The following GNL1 variants were observed in gnomAD, a reference collection of about 807,000 sequenced individuals.
GNL1 encodes the protein guanine nucleotide-binding protein-like 1.
Under a neutral mutation model 75.2 loss-of-function variants are expected in GNL1, and 21 were observed. That is an observed-to-expected ratio of 0.28 (90% CI 0.20 to 0.40). The LOEUF (loss-of-function observed/expected upper bound fraction) is 0.40. Among genes scored for constraint, GNL1 ranks in the 10% least tolerant of loss-of-function variants. The probability of loss-of-function intolerance (pLI) is 1.00; values close to 1 mark genes in which losing one functional copy is unlikely to be tolerated. For synonymous variants in GNL1, 287 were observed against 303.4 expected, an observed-to-expected ratio of 0.95 and a Z score of 0.56; for missense variants, 579 against 775.0, an observed-to-expected ratio of 0.75 and a Z score of 3.00.
At position 30,541,467 on chromosome 6, in the gene GNL1, AC is replaced by A. The variant is rs1293497749; in HGVS notation, c.*4604del. On this transcript the variant is annotated 3_prime_UTR_variant, in exon 12 of 12. Coordinates refer to ENST00000376621, the MANE Select transcript of GNL1 (RefSeq NM_005275.5). ...TAAAACACTGAAACTTGCTACTGACACAAGAACGACAATGCACTAACAATAA... is the reference window on the plus strand; with the variant it reads ...TAAAACACTGAAACTTGCTACTGACAAAGAACGACAATGCACTAACAATAA... 6.6e-6 allele frequency: 1 copy of A among 152,222 alleles called. No homozygotes were observed. The highest frequency in any genetic ancestry group is 6.5e-5 in the Admixed American group (1 of 15,282). The allele number at this position is 152,222 out of a possible 1,614,324, so 9.4% of individuals were successfully genotyped here.
In GNL1 at chr6:30,552,776, C is replaced by A; in HGVS notation, c.905-115G>T. On this transcript the variant is annotated intron_variant, in intron 7 of 11. Transcript: ENST00000376621. The surrounding 1 kb of genome is among the most constrained non-coding windows in gnomAD (Gnocchi z 4.5). The stretch of plus-strand genomic sequence containing the variant: ...GGCACCCTCTGGAGTTGTACAGTGC[C>A]AACCTAAATAAGAGCAGGTCAGAGA... The A allele has an allele frequency of 1.1e-6, 1 of 912,246 alleles. No individual in the cohort carries two copies. Among genetic ancestry groups the A allele is most frequent in the Non-Finnish European group, 1.6e-6 (1 of 607,316 alleles). The allele number at this position is 912,246 out of a possible 1,614,324, so 56.5% of individuals were successfully genotyped here. A position where few individuals can be genotyped will look rare whatever the true frequency, so the allele number is the denominator to read the frequency against.
Position 30,553,136 on chromosome 6 carries a change from G to C in GNL1, c.852C>G (p.Ala284=). Residue 284 remains alanine, a synonymous_variant, in exon 7 of 12, where the codon GCC becomes GCG. Transcript: ENST00000376621. Reference sequence around the variant, plus strand: ...CTCTCAGCAACTGCTCTGGCCCCAGGGCCCGAGTCCATCCTCTCCCCCGCC... The same window carrying C: ...CTCTCAGCAACTGCTCTGGCCCCAGCGCCCGAGTCCATCCTCTCCCCCGCC... ...SRRRGRGWTR[A]LGPEQLLRAC... 1 of 1,613,882 alleles carries C rather than the reference G, an allele frequency of 6.2e-7. No individual in the cohort carries two copies. Among genetic ancestry groups the C allele is most frequent in the Non-Finnish European group, 8.5e-7 (1 of 1,179,824 alleles).
In GNL1 at chr6:30,552,791, C is replaced by G. The variant is rs1056936410; in HGVS notation, c.905-130G>C. 2 of 794,624 alleles carry G rather than the reference C, an allele frequency of 2.5e-6. No individual in the cohort carries two copies. Among genetic ancestry groups the G allele is most frequent in the African/African-American group, 1.7e-5 (1 of 57,632 alleles). The allele number at this position is 794,624 out of a possible 1,614,324, so 49.2% of individuals were successfully genotyped here. The stretch of plus-strand genomic sequence containing the variant: ...TGTACAGTGCCAACCTAAATAAGAG[C>G]AGGTCAGAGAATCTCCCAAAAGTCA... On this transcript the variant is annotated intron_variant, in intron 7 of 11. Transcript: ENST00000376621. This position sits in a 1 kb window ranked among gnomAD's most constrained non-coding sequence, Gnocchi z 4.5.
In GNL1 at chr6:30,546,406, C is replaced by T. The variant is rs1046269884; in HGVS notation, c.1583-93G>A. On this transcript the variant is annotated intron_variant, in intron 11 of 11. Transcript: ENST00000376621. This position sits in a 1 kb window ranked among gnomAD's most constrained non-coding sequence, Gnocchi z 5.1. ...GGGAAGAGGCAAAGACTAGGAATAA[C>T]AATAATCTTTAGAGCTGCTGGCATT... The T allele has an allele frequency of 9.5e-5, 74 of 779,406 alleles. No homozygotes were observed. The South Asian group carries it at 1.1e-3, about 12-fold the overall frequency. The allele number at this position is 779,406 out of a possible 1,614,324, so 48.3% of individuals were successfully genotyped here.
Position 30,552,700 on chromosome 6 carries a change from G to A in GNL1, c.905-39C>T, listed in dbSNP as rs368987354. On this transcript the variant is annotated intron_variant, in intron 7 of 11. Transcript: ENST00000376621. The surrounding 1 kb of genome is among the most constrained non-coding windows in gnomAD (Gnocchi z 4.5). ...GAGAAGATTAAAGAGGTTCTCCCCAGGGCTGCTGTGCATGATGGCACATAC... is the reference window on the plus strand; with the variant it reads ...GAGAAGATTAAAGAGGTTCTCCCCAAGGCTGCTGTGCATGATGGCACATAC... The A allele has an allele frequency of 7.1e-5, 112 of 1,569,546 alleles. No homozygotes were observed. The highest frequency in any genetic ancestry group is 3.9e-4 in the Admixed American group (23 of 58,442).
At chr6:30,551,602 G>A (rs1335393428) in intron 8 of GNL1, among the ~76,000 whole-genome samples, 1 of 152,046 alleles carries the variant, frequency 6.6e-6, no homozygotes, top group Non-Finnish European at 1.5e-5. Flanking sequence ...CCCTTAAGAG[G>A]AGATTCTCCT....
In GNL1 at chr6:30,553,192, G is replaced by T; in HGVS notation, c.809-13C>A. The stretch of plus-strand genomic sequence containing the variant: ...CTCTTCTTCAAGACTGAGATCAGAG[G>T]GCACAAAAGGATGGGCACACGGGCT... On this transcript the variant is annotated splice_polypyrimidine_tract_variant and intron_variant, in intron 6 of 11. Transcript: ENST00000376621. 1 of 1,595,810 alleles carries T rather than the reference G, an allele frequency of 6.3e-7. No individual in the cohort carries two copies. Among genetic ancestry groups the T allele is most frequent in the Non-Finnish European group, 8.6e-7 (1 of 1,163,458 alleles).
At position 30,555,404 on chromosome 6, in the gene GNL1, G is replaced by A; in HGVS notation, c.239+151C>T. On this transcript the variant is annotated intron_variant, in intron 2 of 11. Coordinates refer to ENST00000376621, the MANE Select transcript of GNL1 (RefSeq NM_005275.5). This position sits in a 1 kb window ranked among gnomAD's most constrained non-coding sequence, Gnocchi z 4.3. ...TCTCTCCAGCCCCTCTGGAAAGGAA[G>A]ACTGTGGCCCGCTGTGGGGAGCCGA... 2.1e-6 allele frequency: 2 copies of A among 972,072 alleles called. No individual in the cohort carries two copies. The highest frequency in any genetic ancestry group is 3.1e-6 in the Non-Finnish European group (2 of 645,168). 60.2% of individuals were successfully genotyped at this position (972,072 alleles called of 1,614,324 possible). A position where few individuals can be genotyped will look rare whatever the true frequency, so the allele number is the denominator to read the frequency against.
Position 30,545,014 on chromosome 6 carries a change from C to T in GNL1, c.*1058G>A, listed in dbSNP as rs541897978. The T allele has an allele frequency of 6.6e-6, 1 of 152,314 alleles. No homozygotes were observed. Among genetic ancestry groups the T allele is most frequent in the South Asian group, 2.1e-4 (1 of 4,824 alleles). 9.4% of individuals were successfully genotyped at this position (152,314 alleles called of 1,614,324 possible). On this transcript the variant is annotated 3_prime_UTR_variant, in exon 12 of 12. Coordinates refer to ENST00000376621, the MANE Select transcript of GNL1 (RefSeq NM_005275.5). ...GATATACAGCAAAGCCTAAGGTGCC[C>T]TGACTCACGAGAGAGCTGATTTCTG...
In GNL1 at chr6:30,546,436, C is replaced by T. The variant is rs937767595; in HGVS notation, c.1583-123G>A. On this transcript the variant is annotated intron_variant, in intron 11 of 11. Transcript: ENST00000376621. The surrounding 1 kb of genome is among the most constrained non-coding windows in gnomAD (Gnocchi z 5.1). ...ATCTTTAGAGCTGCTGGCATTCATTCATTCATCCATTCATTCAACTTCCTA... is the reference window on the plus strand; with the variant it reads ...ATCTTTAGAGCTGCTGGCATTCATTTATTCATCCATTCATTCAACTTCCTA... 6 of 703,238 alleles carry T rather than the reference C, an allele frequency of 8.5e-6. No individual in the cohort carries two copies. In the African/African-American group the frequency reaches 1.1e-4, roughly 13 times the overall value. The allele number at this position is 703,238 out of a possible 1,614,324, so 43.6% of individuals were successfully genotyped here. A position where few individuals can be genotyped will look rare whatever the true frequency, so the allele number is the denominator to read the frequency against.
rs749244843 is a variant in GNL1 at position 30,547,250 on chromosome 6, C to T, written c.1303G>A (p.Ala435Thr). Residue 435 changes from alanine (A) to threonine (T), a missense_variant, in exon 10 of 12, where the codon GCC becomes ACC. Transcript: ENST00000376621. The surrounding 1 kb of genome is among the most constrained non-coding windows in gnomAD (Gnocchi z 5.5). ...GCAGTGTAGGGCTCCTGGATCTGGGCGATAGGGTAGATCCCTGCCAGAACC... is the reference window on the plus strand; with the variant it reads ...GCAGTGTAGGGCTCCTGGATCTGGGTGATAGGGTAGATCCCTGCCAGAACC... ...LQVLAGIYPIAQIQEPYTAVG... is the reference protein window; with the variant it reads ...LQVLAGIYPITQIQEPYTAVG... The T allele has an allele frequency of 1.7e-5, 27 of 1,605,404 alleles. No individual in the cohort carries two copies. Among genetic ancestry groups the T allele is most frequent in the Non-Finnish European group, 2.3e-5 (27 of 1,175,998 alleles).
At chr6:30,549,028 C>T (rs1799610452) in intron 8 of GNL1, among the ~76,000 whole-genome samples, 1 of 152,018 alleles carries the variant, frequency 6.6e-6, no homozygotes. Context: ...GACAGAGTCT[C>T]ACTCCCTCAC....
rs1799901162 is a variant in GNL1 at position 30,553,126 on chromosome 6, C to G, written c.862G>C (p.Glu288Gln). ...GRGWTRALGP[E>Q]QLLRACEAIT... is the part of the protein sequence containing the mutation. ...GCTTCACAGGCTCTCAGCAACTGCT[C>G]TGGCCCCAGGGCCCGAGTCCATCCT... is the stretch of plus-strand genomic sequence containing the variant. Residue 288 changes from glutamate (E) to glutamine (Q), a missense_variant, in exon 7 of 12, where the codon GAG (glutamate) becomes CAG (glutamine). Transcript: ENST00000376621. 1 of 1,613,854 alleles carries G rather than the reference C, an allele frequency of 6.2e-7. No homozygotes were observed. The highest frequency in any genetic ancestry group is 1.1e-5 in the South Asian group (1 of 91,084).
chr6:30,553,416 G>T lies in GNL1; in HGVS notation c.742C>A (p.Gln248Lys). Residue 248 changes from glutamine to lysine, a missense_variant, in exon 6 of 12, where the codon CAG (glutamine) becomes AAG (lysine). By Grantham distance (53) the Gln-to-Lys change is moderately conservative. Coordinates refer to ENST00000376621, the MANE Select transcript of GNL1 (RefSeq NM_005275.5). The stretch of plus-strand genomic sequence containing the variant: ...GAGGTGAAAAGGACGACGTGGAGCT[G>T]GGGATAGTGTTGATGGAAATAATGC... ...WKHYFHQHYP[Q>K]LHVVLFTSFP... 4.3e-6 allele frequency: 7 copies of T among 1,612,956 alleles called. No homozygotes were observed. Among genetic ancestry groups the T allele is most frequent in the Non-Finnish European group, 5.9e-6 (7 of 1,179,998 alleles).
At position 30,555,785 on chromosome 6, in the gene GNL1, C is replaced by A. The variant is rs771733546; in HGVS notation, c.74-65G>T. 1.3e-6 allele frequency: 2 copies of A among 1,521,438 alleles called. No individual in the cohort carries two copies. Among genetic ancestry groups the A allele is most frequent in the African/African-American group, 1.4e-5 (1 of 73,004 alleles). 94.2% of individuals were successfully genotyped at this position (1,521,438 alleles called of 1,614,324 possible). A position where few individuals can be genotyped will look rare whatever the true frequency, so the allele number is the denominator to read the frequency against. ...TCAGGGGCCATAAGACCCTCTCCCC[C>A]ATCGGCCTGACTCCCTTTCATCCCA... On this transcript the variant is annotated intron_variant, in intron 1 of 11. Transcript: ENST00000376621. This position sits in a 1 kb window ranked among gnomAD's most constrained non-coding sequence, Gnocchi z 4.3.
rs1286455409 is a variant in GNL1 at position 30,543,473 on chromosome 6, G to A, written c.*2599C>T. On this transcript the variant is annotated 3_prime_UTR_variant, in exon 12 of 12. Coordinates refer to ENST00000376621, the MANE Select transcript of GNL1 (RefSeq NM_005275.5). Reference sequence around the variant, plus strand: ...TAATTGCTCAACAAATGTTCTATGAGTGAATGAATCCTTGGGATAATTATA... The same window carrying A: ...TAATTGCTCAACAAATGTTCTATGAATGAATGAATCCTTGGGATAATTATA... 1.3e-5 allele frequency: 2 copies of A among 152,152 alleles called. No homozygotes were observed. The highest frequency in any genetic ancestry group is 2.9e-5 in the Non-Finnish European group (2 of 68,040). The allele number at this position is 152,152 out of a possible 1,614,324, so 9.4% of individuals were successfully genotyped here.
In GNL1 at chr6:30,555,642, G is replaced by C; in HGVS notation, c.152C>G (p.Ser51Trp). Residue 51 changes from serine (S) to tryptophan (W), a missense_variant, in exon 2 of 12, where the codon TCG (serine) becomes TGG (tryptophan). By Grantham distance (177) the Ser-to-Trp change is radical. Transcript: ENST00000376621. The surrounding 1 kb of genome is among the most constrained non-coding windows in gnomAD (Gnocchi z 4.3). ...RERREEQTDT[S>W]DGESVTHHIR... ...ATGATGGGTCACAGACTCCCCGTCC[G>C]AGGTGTCGGTCTGTTCCTCTCGCCG... The C allele has an allele frequency of 6.2e-7, 1 of 1,614,006 alleles. No individual in the cohort carries two copies. Among genetic ancestry groups the C allele is most frequent in the South Asian group, 1.1e-5 (1 of 91,082 alleles).
In GNL1 at chr6:30,555,784, C is replaced by CA. The variant is rs1800127161; in HGVS notation, c.74-65_74-64insT. On this transcript the variant is annotated intron_variant, in intron 1 of 11. Coordinates refer to ENST00000376621, the MANE Select transcript of GNL1 (RefSeq NM_005275.5). This position sits in a 1 kb window ranked among gnomAD's most constrained non-coding sequence, Gnocchi z 4.3. ...CTCAGGGGCCATAAGACCCTCTCCC[C>CA]CATCGGCCTGACTCCCTTTCATCCC... The CA allele has an allele frequency of 6.5e-7, 1 of 1,528,622 alleles. No individual in the cohort carries two copies. The highest frequency in any genetic ancestry group is 1.4e-5 in the African/African-American group (1 of 73,166). 94.7% of individuals were successfully genotyped at this position (1,528,622 alleles called of 1,614,324 possible).
In GNL1 at chr6:30,545,958, A is replaced by AG; in HGVS notation, c.*113dup. On this transcript the variant is annotated 3_prime_UTR_variant, in exon 12 of 12. Transcript: ENST00000376621. ...GCTCTCACCTCAGTTCATCTGGGGA[A>AG]GGGGCTACAAAGCAAACAATCTTTA... The AG allele has an allele frequency of 1.3e-6, 1 of 758,108 alleles. No homozygotes were observed. Among genetic ancestry groups the AG allele is most frequent in the Non-Finnish European group, 2.2e-6 (1 of 452,022 alleles). The allele number at this position is 758,108 out of a possible 1,614,324, so 47.0% of individuals were successfully genotyped here.
Sources: allele counts gnomAD v4.1 joint callset (sites outside exome capture counted in the v4.1 genomes callset), GRCh38; gene constraint gnomAD v4.1.1; non-coding constraint Gnocchi (gnomAD v3.1); transcripts MANE v1.5; gene names NCBI Gene and HGNC (gene_info 2026-07-23, HGNC 2026-07-21).